Variants in SHISA9 observed in about 807,000 individuals in gnomAD.
SHISA9 encodes the protein protein shisa-9.
Under a neutral mutation model 38.0 loss-of-function variants are expected in SHISA9, and 13 were observed. The ratio of observed to expected loss-of-function variants is 0.34; its 90% confidence interval spans 0.22 to 0.54. SHISA9 has a LOEUF of 0.54. Ranked by LOEUF, SHISA9 falls within the 20% of genes least tolerant of loss-of-function variation. SHISA9 has a pLI of 0.91. For missense variants in SHISA9, 538 were observed against 575.8 expected (o/e 0.93, Z 0.67); for synonymous variants, 275 against 242.0 (o/e 1.14, Z -1.27).
chr16:13,150,823 C>T (rs188715123), intron 2 of SHISA9, among the ~76,000 whole-genome samples: 1 of 152,150 alleles, frequency 6.6e-6, no homozygotes, highest in Non-Finnish European at 1.5e-5. Flanking sequence ...TGGAAGAAAC[C>T]CCAGGTAGGG....
At chr16:13,152,006 T>C (rs990070331) in intron 2 of SHISA9, among the ~76,000 whole-genome samples, 4 of 152,200 alleles carry the variant, frequency 2.6e-5, no homozygotes, top group African/African-American at 9.6e-5. Flanking sequence ...CCTTTACCTC[T>C]AGGGATCCAT....
chr16:13,337,543 G>C, the SHISA9 span, among the ~76,000 whole-genome samples: 3 of 152,150 alleles, frequency 2.0e-5, no homozygotes, highest in African/African-American at 7.2e-5. Context: ...CACCAGTGAA[G>C]TGCCAACATT....
At chr16:13,109,076 G>A (rs1476616541) in intron 2 of SHISA9, among the ~76,000 whole-genome samples, 1 of 152,186 alleles carries the variant, frequency 6.6e-6, no homozygotes, top group African/African-American at 2.4e-5. Flanking sequence ...CTTTTTGTGT[G>A]TGTGTGAATT....
At chr16:13,222,329 C>T (rs915484046) in intron 4 of SHISA9, among the ~76,000 whole-genome samples, 3 of 152,120 alleles carry the variant, frequency 2.0e-5, no homozygotes, top group Admixed American at 6.6e-5. Context: ...AGTGGTCACT[C>T]CAGGACCCAG....
intron 2 of SHISA9, among the ~76,000 whole-genome samples, chr16:12,932,635 G>A (rs569636156): frequency 6.6e-6 from 1 of 152,316 alleles, no homozygotes; most frequent in Admixed American, 6.5e-5. Context: ...GAGCCACTGT[G>A]CCTGCCTGGG....
chr16:13,294,693 C>T, the SHISA9 span, among the ~76,000 whole-genome samples: 3 of 152,178 alleles, frequency 2.0e-5, no homozygotes, highest in Non-Finnish European at 2.9e-5. Context: ...TTACAAATGG[C>T]CCACATTGGC....
chr16:13,003,608 A>G (rs2072553504), intron 2 of SHISA9, among the ~76,000 whole-genome samples: 1 of 152,174 alleles, frequency 6.6e-6, no homozygotes, highest in Admixed American at 6.5e-5. Context: ...CTGTAATCCC[A>G]GCATTTTGGG....
chr16:13,284,582 TA>T, the SHISA9 span, among the ~76,000 whole-genome samples: 355 of 152,244 alleles, frequency 2.3e-3, 3 homozygotes, highest in African/African-American at 8.0e-3. Context: ...ATTTCTTTAT[TA>T]TGCATTTCAT....
chr16:13,186,882 T>C (rs1420624559), intron 2 of SHISA9, among the ~76,000 whole-genome samples: 1 of 152,312 alleles, frequency 6.6e-6, no homozygotes, highest in Non-Finnish European at 1.5e-5. Flanking sequence ...GATTTGTTCA[T>C]ATCATGGCAT....
At chr16:13,205,324 A>G (rs576603003) in intron 3 of SHISA9, among the ~76,000 whole-genome samples, 8 of 152,326 alleles carry the variant, frequency 5.3e-5, no homozygotes, top group East Asian at 3.9e-4. Context: ...TCCTCTTCTA[A>G]TGACCTTAAT....
chr16:13,448,930 A>G, the SHISA9 span, among the ~76,000 whole-genome samples: 1 of 152,214 alleles, frequency 6.6e-6, no homozygotes, highest in African/African-American at 2.4e-5. Flanking sequence ...TTTGAAGAAT[A>G]TGTAATTTTT....
At chr16:13,348,931 C>T in the SHISA9 span, among the ~76,000 whole-genome samples, 1 of 152,092 alleles carries the variant, frequency 6.6e-6, no homozygotes, top group African/African-American at 2.4e-5. Flanking sequence ...TAACATCCCC[C>T]TTTGCCAGAG....
At chr16:13,452,290 T>C in the SHISA9 span, among the ~76,000 whole-genome samples, 1 of 152,226 alleles carries the variant, frequency 6.6e-6, no homozygotes, top group African/African-American at 2.4e-5. Context: ...AAGTAAATCA[T>C]TTCTCTCCAG....
intron 2 of SHISA9, among the ~76,000 whole-genome samples, chr16:13,012,767 C>T (rs2072693868): frequency 6.6e-6 from 1 of 152,188 alleles, no homozygotes; most frequent in African/African-American, 2.4e-5. Flanking sequence ...ACTTACACCA[C>T]TTGCCCATTA....
chr16:13,090,846 C>T (rs766136407), intron 2 of SHISA9, among the ~76,000 whole-genome samples: 102 of 152,230 alleles, frequency 6.7e-4, no homozygotes, highest in Non-Finnish European at 7.9e-4. Context: ...TTATGATGTT[C>T]GCTGGTTGTT....
intron 1 of SHISA9, among the ~76,000 whole-genome samples, chr16:12,911,855 G>C (rs534343621): frequency 6.6e-6 from 1 of 152,328 alleles, no homozygotes; most frequent in East Asian, 1.9e-4. Flanking sequence ...GCTTTGTGAT[G>C]GTTAGCCAAG....
At chr16:13,223,164 T>C (rs919953416) in intron 4 of SHISA9, among the ~76,000 whole-genome samples, 1 of 152,174 alleles carries the variant, frequency 6.6e-6, no homozygotes. Context: ...CGGTGGCTCA[T>C]GCCTGTAATC....
chr16:13,370,317 C>G, the SHISA9 span, among the ~76,000 whole-genome samples: 1 of 152,102 alleles, frequency 6.6e-6, no homozygotes, highest in Non-Finnish European at 1.5e-5. Flanking sequence ...GTCAATGGCC[C>G]TTAAGGAAAT....
Position 13,096,907 on chromosome 16 carries a change from G to A in SHISA9, c.692-106487G>A, listed in dbSNP as rs577378779. On this transcript the variant is annotated intron_variant, in intron 2 of 4. Coordinates refer to ENST00000558583, the MANE Select transcript of SHISA9 (RefSeq NM_001145204.3). ...CTGCTCAGACAGGCCATTCTCTGACGCCTATTTTAGAGTGACCCCTCTGTT... is the reference window on the plus strand; with the variant it reads ...CTGCTCAGACAGGCCATTCTCTGACACCTATTTTAGAGTGACCCCTCTGTT... Among the ~76,000 whole-genome samples, 6 of 152,092 alleles carry A rather than the reference G, an allele frequency of 3.9e-5. No individual in the cohort carries two copies. The East Asian group carries it at 1.2e-3, about 30-fold the overall frequency.
Sources: allele counts gnomAD v4.1 joint callset (sites outside exome capture counted in the v4.1 genomes callset), GRCh38; gene constraint gnomAD v4.1.1; transcripts MANE v1.5; gene names NCBI Gene and HGNC (gene_info 2026-07-23, HGNC 2026-07-21).